ACOXL: variants seen among roughly 807,000 people sequenced by gnomAD.
ACOXL encodes the protein acyl-CoA oxidase like.
A neutral mutation model predicts 71.9 loss-of-function variants in ACOXL; 70 were observed. The observed-to-expected ratio is 0.97, with a 90% confidence interval of 0.80 to 1.19. The LOEUF (loss-of-function observed/expected upper bound fraction) is 1.19. ACOXL is among the 50% of genes most tolerant of loss of function. The pLI, the probability that ACOXL is intolerant of heterozygous loss-of-function variation, is 0.00. For synonymous variants in ACOXL, 253 were observed against 281.6 expected, an observed-to-expected ratio of 0.90 and a Z score of 1.02; for missense variants, 703 against 736.3, an observed-to-expected ratio of 0.95 and a Z score of 0.52.
chr2:110,920,226 T>C (rs1199749728), intron 11 of ACOXL, among the ~76,000 whole-genome samples: 2 of 152,228 alleles, frequency 1.3e-5, no homozygotes, highest in Admixed American at 6.5e-5. Flanking sequence ...TTGCCAGCCA[T>C]TGTTATTGTC....
chr2:111,109,705 G>T (rs2069811478), intron 17 of ACOXL, among the ~76,000 whole-genome samples: 1 of 105,974 alleles, frequency 9.4e-6, no homozygotes, highest in Non-Finnish European at 1.8e-5. Flanking sequence ...TTGAGACAGA[G>T]TCTCGCTCTT....
chr2:110,966,561 C>A (rs1206964850), intron 12 of ACOXL, among the ~76,000 whole-genome samples: 1 of 152,250 alleles, frequency 6.6e-6, no homozygotes, highest in Non-Finnish European at 1.5e-5. Context: ...CTCTTCCCTC[C>A]CTGCCCCCTA....
intron 10 of ACOXL, among the ~76,000 whole-genome samples, chr2:110,851,276 TG>T (rs1223862781): frequency 4.0e-4 from 61 of 152,272 alleles, no homozygotes; most frequent in African/African-American, 1.4e-3. Flanking sequence ...TCAGTGAACT[TG>T]AATTAAAGAG....
At chr2:110,825,311 G>A (rs1237875304) in intron 9 of ACOXL, among the ~76,000 whole-genome samples, 1 of 151,920 alleles carries the variant, frequency 6.6e-6, no homozygotes, top group Non-Finnish European at 1.5e-5. Flanking sequence ...CTGCTTTCAG[G>A]GCAAAAATCA....
rs539361367 is a variant in ACOXL, at chr2:110,971,098, T to C, written c.1060-16010T>C. Among the ~76,000 whole-genome samples the C allele has an allele frequency of 2.1e-4, 32 of 152,278 alleles. No homozygotes were observed. The South Asian group carries it at 3.5e-3, about 17-fold the overall frequency. On this transcript the variant is annotated intron_variant, in intron 12 of 17. Coordinates refer to ENST00000439055, the MANE Select transcript of ACOXL (RefSeq NM_001142807.4). ...ACAAAGGACTTGAGTCTAGAATATA[T>C]AAAGACCTCTCAAAACTCAACAGTG... is the stretch of plus-strand genomic sequence containing the variant.
At chr2:111,037,160 C>G (rs1220215389) in intron 15 of ACOXL, among the ~76,000 whole-genome samples, 1 of 152,148 alleles carries the variant, frequency 6.6e-6, no homozygotes, top group East Asian at 1.9e-4. Context: ...GGGGTTCCCT[C>G]CCCAAGCTTC....
intron 12 of ACOXL, among the ~76,000 whole-genome samples, chr2:110,977,538 A>C (rs1372867083): frequency 6.6e-6 from 1 of 152,182 alleles, no homozygotes; most frequent in Non-Finnish European, 1.5e-5. Flanking sequence ...ATCCTCCAAC[A>C]TAACAACCCT....
At chr2:110,887,118 A>T in intron 10 of ACOXL, 1 of 388,188 alleles carries the variant, frequency 2.6e-6, no homozygotes, top group Non-Finnish European at 4.7e-6. Flanking sequence ...GGGTGGAAAA[A>T]CTCTGATCTG....
chr2:110,748,463 T>C (rs1678516027), intron 1 of ACOXL, among the ~76,000 whole-genome samples: 1 of 152,208 alleles, frequency 6.6e-6, no homozygotes, highest in Non-Finnish European at 1.5e-5. Flanking sequence ...GCTACCTTTG[T>C]AGACTTTGCC....
intron 14 of ACOXL, among the ~76,000 whole-genome samples, chr2:111,016,106 TAA>T (rs1558871249): frequency 3.0e-5 from 1 of 33,708 alleles, no homozygotes; most frequent in African/African-American, 2.9e-4. Flanking sequence ...CTAATTTTTT[TAA>T]TTTTTTTTTT....
chr2:110,801,075 C>T lies in ACOXL; in HGVS notation c.548-577C>T, dbSNP rs543560019. On this transcript the variant is annotated intron_variant, in intron 7 of 17. Transcript: ENST00000439055. ...ACAAAGAGAAGACCCCAGACTCTGG[C>T]AGGTGTCTTTAGGAAATGTGTCTGC... Among the ~76,000 whole-genome samples the T allele has an allele frequency of 1.1e-4, 17 of 152,286 alleles. 1 individual carries two copies. Among genetic ancestry groups the T allele is most frequent in the African/African-American group, 4.1e-4 (17 of 41,562 alleles).
intron 2 of ACOXL, among the ~76,000 whole-genome samples, chr2:110,782,063 TG>T (rs1265397703): frequency 6.6e-6 from 1 of 152,180 alleles, no homozygotes; most frequent in Non-Finnish European, 1.5e-5. Flanking sequence ...AACTATAAGC[TG>T]GGGTATAGTA....
At chr2:110,767,193 C>T (rs757643363) in intron 1 of ACOXL, among the ~76,000 whole-genome samples, 5 of 152,142 alleles carry the variant, frequency 3.3e-5, no homozygotes, top group South Asian at 4.1e-4. Flanking sequence ...TCAGGCTGTG[C>T]GTTGCATGGA....
intron 10 of ACOXL, among the ~76,000 whole-genome samples, chr2:110,904,558 G>T (rs1479204211): frequency 6.6e-6 from 1 of 152,156 alleles, no homozygotes; most frequent in Non-Finnish European, 1.5e-5. Context: ...TAAAATGTAG[G>T]TTGTATTATT....
At chr2:110,785,072 A>T (rs1683785005) in intron 3 of ACOXL, among the ~76,000 whole-genome samples, 1 of 152,152 alleles carries the variant, frequency 6.6e-6, no homozygotes, top group African/African-American at 2.4e-5. Context: ...TCTTAGTTTT[A>T]TGAAAACAGT....
chr2:111,095,825 C>T (rs2068772028), intron 17 of ACOXL, among the ~76,000 whole-genome samples: 1 of 152,234 alleles, frequency 6.6e-6, no homozygotes, highest in South Asian at 2.1e-4. Flanking sequence ...TAGGACATCT[C>T]AAAGCCTTCT....
intron 14 of ACOXL, among the ~76,000 whole-genome samples, chr2:111,009,175 A>G (rs973794068): frequency 9.2e-5 from 14 of 152,200 alleles, no homozygotes; most frequent in African/African-American, 3.1e-4. Context: ...GGTTAAAGAT[A>G]AACTCATTTC....
chr2:111,084,274 C>G (rs1347329336), intron 16 of ACOXL, among the ~76,000 whole-genome samples: 2 of 141,452 alleles, frequency 1.4e-5, no homozygotes, highest in Non-Finnish European at 3.0e-5. Context: ...CACACACACA[C>G]ACACACACAC....
intron 11 of ACOXL, 108 bp from the exon 12 acceptor site, chr2:110,933,378 ACAT>A: frequency 1.5e-6 from 2 of 1,302,334 alleles, no homozygotes; most frequent in Non-Finnish European, 1.0e-6. Context: ...TGCATCACTG[ACAT>A]CATATTCTTT....
Sources: allele counts gnomAD v4.1 joint callset (sites outside exome capture counted in the v4.1 genomes callset), GRCh38; gene constraint gnomAD v4.1.1; transcripts MANE v1.5; gene names NCBI Gene and HGNC (gene_info 2026-07-23, HGNC 2026-07-21).